The following NEK7 variants were observed in gnomAD, a reference collection of about 807,000 sequenced individuals.
The protein encoded by NEK7 is serine/threonine-protein kinase Nek7.
A neutral mutation model predicts 44.6 loss-of-function variants in NEK7; 18 were observed. The observed-to-expected ratio is 0.40, with a 90% CI of 0.28 to 0.60. NEK7 has a LOEUF of 0.60. Ranked by LOEUF, NEK7 falls within the 20% of genes least tolerant of loss-of-function variation. The pLI is 0.38. For missense variants in NEK7, 256 were observed against 366.5 expected, an observed-to-expected ratio of 0.70 and a Z score of 2.46; for synonymous variants, 130 against 121.1, an observed-to-expected ratio of 1.07 and a Z score of -0.48.
At chr1:198,261,681 A>G (rs1379407193) in intron 3 of NEK7, among the ~76,000 whole-genome samples, 1 of 151,786 alleles carries the variant, frequency 6.6e-6, no homozygotes, top group East Asian at 1.9e-4. Context: ...AGTCTCTAAG[A>G]TATTGCTTTT....
chr1:198,289,866 ATTG>A (rs1258894879), intron 7 of NEK7, among the ~76,000 whole-genome samples: 5 of 152,186 alleles, frequency 3.3e-5, no homozygotes, highest in African/African-American at 1.2e-4. Flanking sequence ...GAATATATTT[ATTG>A]TTTATGGAGT....
At chr1:198,296,128 C>T (rs940115464) in intron 8 of NEK7, among the ~76,000 whole-genome samples, 1 of 152,142 alleles carries the variant, frequency 6.6e-6, no homozygotes, top group Non-Finnish European at 1.5e-5. Context: ...TCCCCACTGA[C>T]GCTCACTGAG....
chr1:198,185,930 G>C (rs151232133), intron 1 of NEK7, among the ~76,000 whole-genome samples: 1 of 152,130 alleles, frequency 6.6e-6, no homozygotes, highest in East Asian at 1.9e-4. Flanking sequence ...CAGTAGGCAC[G>C]TTCTGAAATA....
intron 1 of NEK7, among the ~76,000 whole-genome samples, chr1:198,200,698 G>A (rs1251584392): frequency 2.6e-5 from 4 of 151,936 alleles, no homozygotes; most frequent in Non-Finnish European, 5.9e-5. Flanking sequence ...CTACAGGCAT[G>A]TGCTACCAAA....
intron 5 of NEK7, among the ~76,000 whole-genome samples, chr1:198,268,283 A>G (rs1653719146): frequency 6.6e-6 from 1 of 151,870 alleles, no homozygotes; most frequent in Non-Finnish European, 1.5e-5. Context: ...TATATGGCTC[A>G]ATATGTCTGT....
In NEK7 at chr1:198,182,540, G is replaced by T. The variant is rs1375097941; in HGVS notation, c.-29+25264G>T. 2.0e-5 allele frequency among the ~76,000 whole-genome samples: 3 copies of T among 152,248 alleles called. No individual in the cohort carries two copies. In the East Asian group the frequency reaches 5.8e-4, roughly 29 times the overall value. ...GGTTTGTATTCTTGCTGCCAGGCCT[G>T]TGGCCATTGATTTCTACATGTATGA... On this transcript the variant is annotated intron_variant, in intron 1 of 9. Transcript: ENST00000367385.
chr1:198,208,997 T>C (rs773478353), intron 1 of NEK7, among the ~76,000 whole-genome samples: 8 of 151,664 alleles, frequency 5.3e-5, no homozygotes, highest in Non-Finnish European at 1.0e-4. Context: ...TGTCTCTATT[T>C]CATTAGCTCT....
chr1:198,248,504 A>T (rs1001027743), intron 2 of NEK7, among the ~76,000 whole-genome samples: 6 of 152,168 alleles, frequency 3.9e-5, no homozygotes, highest in African/African-American at 1.4e-4. Flanking sequence ...GTATTTGGGT[A>T]AGCCGTTTGA....
chr1:198,186,859 A>G (rs1307570703), intron 1 of NEK7, among the ~76,000 whole-genome samples: 1 of 152,216 alleles, frequency 6.6e-6, no homozygotes, highest in Non-Finnish European at 1.5e-5. Context: ...AGTCCCAGAC[A>G]GTACTAGTAG....
chr1:198,275,506 T>G (rs767018250), intron 5 of NEK7, among the ~76,000 whole-genome samples: 4 of 151,402 alleles, frequency 2.6e-5, no homozygotes, highest in Non-Finnish European at 5.9e-5. Context: ...AGATTTTTTT[T>G]TTTTTAATCA....
intron 7 of NEK7, among the ~76,000 whole-genome samples, chr1:198,281,468 A>G (rs1184837443): frequency 2.0e-5 from 3 of 152,050 alleles, no homozygotes; most frequent in Non-Finnish European, 4.4e-5. Flanking sequence ...TATAAATTTC[A>G]GTGAAACTAT....
chr1:198,208,449 G>T (rs947483226), intron 1 of NEK7: 4 of 152,064 alleles, frequency 2.6e-5, no homozygotes, highest in African/African-American at 7.2e-5. Flanking sequence ...GGTACGACTG[G>T]TGCTGCAACC....
intron 2 of NEK7, among the ~76,000 whole-genome samples, chr1:198,246,162 A>T (rs1215093264): frequency 6.6e-6 from 1 of 152,166 alleles, no homozygotes; most frequent in Non-Finnish European, 1.5e-5. Context: ...AAGTATATAG[A>T]TATATTACCT....
chr1:198,240,528 A>G (rs963887027), intron 2 of NEK7, among the ~76,000 whole-genome samples: 15 of 152,012 alleles, frequency 9.9e-5, no homozygotes, highest in Non-Finnish European at 2.2e-4. Context: ...ATATGCTTTA[A>G]TAACCACAAT....
chr1:198,172,500 A>T (rs6428436), intron 1 of NEK7, among the ~76,000 whole-genome samples: 26 of 152,066 alleles, frequency 1.7e-4, no homozygotes, highest in Non-Finnish European at 3.1e-4. Flanking sequence ...CATGAGACTT[A>T]GGAGGAGCAA....
intron 1 of NEK7, among the ~76,000 whole-genome samples, chr1:198,193,887 A>T (rs1665149552): frequency 6.6e-6 from 1 of 152,202 alleles, no homozygotes; most frequent in Non-Finnish European, 1.5e-5. Flanking sequence ...AAGCTGAAGC[A>T]TTCCCCTGGA....
chr1:198,160,689 C>T (rs796235365), intron 1 of NEK7, among the ~76,000 whole-genome samples: 48 of 152,264 alleles, frequency 3.2e-4, no homozygotes, highest in African/African-American at 9.9e-4. Flanking sequence ...ATTCTCCCCC[C>T]TCCACCCATT....
rs952685738 is a variant in NEK7, at chr1:198,157,012, G to C, written c.-293G>C. 6.6e-6 allele frequency: 1 copy of C among 152,208 alleles called. No individual in the cohort carries two copies. Among genetic ancestry groups the C allele is most frequent in the African/African-American group, 2.4e-5 (1 of 41,442 alleles). The allele number at this position is 152,208 out of a possible 1,614,324, so 9.4% of individuals were successfully genotyped here. On this transcript the variant is annotated 5_prime_UTR_variant, in exon 1 of 10. Transcript: ENST00000367385. The stretch of plus-strand genomic sequence containing the variant: ...CCGGGATGTTTACACTCCTGACAGC[G>C]GCGGCAGCAGGAGGAGGATCGGGAG...
intron 9 of NEK7, among the ~76,000 whole-genome samples, chr1:198,297,929 T>C (rs1259678787): frequency 6.6e-6 from 1 of 152,208 alleles, no homozygotes; most frequent in Non-Finnish European, 1.5e-5. Context: ...TGGTAACCCA[T>C]TGAAGTGAGT....
Sources: allele counts gnomAD v4.1 joint callset (sites outside exome capture counted in the v4.1 genomes callset), GRCh38; gene constraint gnomAD v4.1.1; transcripts MANE v1.5; gene names NCBI Gene and HGNC (gene_info 2026-07-23, HGNC 2026-07-21).